TRABD2A: variants seen among roughly 807,000 people sequenced by gnomAD.
TRABD2A encodes TraB domain containing 2A.
Under a neutral mutation model 45.6 loss-of-function variants are expected in TRABD2A, and 43 were observed. The ratio of observed to expected loss-of-function variants is 0.94; its 90% CI spans 0.74 to 1.22. The LOEUF is 1.22. Among genes scored for constraint, TRABD2A ranks in the 50% most tolerant of loss-of-function variants. The probability of loss-of-function intolerance (pLI) is 0.00; values close to 1 mark genes in which losing one functional copy is unlikely to be tolerated. For synonymous variants in TRABD2A, 269 were observed against 265.0 expected, an observed-to-expected ratio of 1.02 and a Z score of -0.15; for missense variants, 642 against 652.4, an observed-to-expected ratio of 0.98 and a Z score of 0.17.
At chr2:84,862,869 C>CATTCAGGTACAACGTTGGTTTG (rs530719245) in intron 2 of TRABD2A, among the ~76,000 whole-genome samples, 2,008 of 152,220 alleles carry the variant, frequency 0.013, 39 homozygotes, top group African/African-American at 0.046. Flanking sequence ...CACAGCCAGC[C>CATTCAGGTACAACGTTGGTTTG]ATTCAGGTAC....
chr2:84,858,409 G>A (rs965959448), intron 2 of TRABD2A, among the ~76,000 whole-genome samples: 2 of 152,152 alleles, frequency 1.3e-5, no homozygotes, highest in African/African-American at 4.8e-5. Context: ...TTTCCTACCT[G>A]ACTAAATGCT....
At chr2:84,871,485 C>CT (rs556910847) in intron 1 of TRABD2A, among the ~76,000 whole-genome samples, 6,065 of 146,300 alleles carry the variant, frequency 0.041, 155 homozygotes, top group South Asian at 0.068. Flanking sequence ...AGAAATGCTA[C>CT]TTTTTTTTTT....
At chr2:84,828,728 T>C (rs1681223366) in intron 5 of TRABD2A, among the ~76,000 whole-genome samples, 1 of 152,262 alleles carries the variant, frequency 6.6e-6, no homozygotes, top group Admixed American at 6.5e-5. Flanking sequence ...GATCCCATCA[T>C]GTGCCAGATG....
At chr2:84,833,471 G>A (rs898154786) in intron 4 of TRABD2A, 40 of 152,094 alleles carry the variant, frequency 2.6e-4, no homozygotes, top group Admixed American at 2.4e-3. Flanking sequence ...TACTGCAAAG[G>A]TGATTTCCAT....
intron 5 of TRABD2A, among the ~76,000 whole-genome samples, chr2:84,827,537 T>A (rs1681185399): frequency 6.6e-6 from 1 of 152,212 alleles, no homozygotes; most frequent in African/African-American, 2.4e-5. Flanking sequence ...CTAGCAGGGC[T>A]GACCAGAACC....
In TRABD2A at chr2:84,870,668, C is replaced by G. The variant is rs1273710658; in HGVS notation, c.226G>C (p.Glu76Gln). The G allele has an allele frequency of 5.6e-6, 9 of 1,609,896 alleles. No individual in the cohort carries two copies. Among genetic ancestry groups the G allele is most frequent in the Non-Finnish European group, 7.6e-6 (9 of 1,178,094 alleles). The change falls in exon 2 of 7, where the codon GAG becomes CAG. Residue 76 changes from glutamate to glutamine, a missense_variant. Transcript: ENST00000409520. ...VWDFIPDNSK[E>Q]AFLQSSIVYF... Reference sequence around the variant, plus strand: ...ACAATGCTGCTCTGCAGGAAAGCCTCCTTAGAGTTGTCGGGGATGAAGTCC... The same window carrying G: ...ACAATGCTGCTCTGCAGGAAAGCCTGCTTAGAGTTGTCGGGGATGAAGTCC...
chr2:84,851,142 AT>A (rs1486787285), intron 2 of TRABD2A: 1 of 152,262 alleles, frequency 6.6e-6, no homozygotes, highest in Non-Finnish European at 1.5e-5. Flanking sequence ...AAAACTCTTT[AT>A]CATTGGAGGC....
intron 1 of TRABD2A, chr2:84,874,773 T>C: frequency 4.1e-6 from 1 of 244,586 alleles, no homozygotes; most frequent in South Asian, 6.2e-5. Context: ...ACTGGAGGGG[T>C]CTGAGGACTA....
At chr2:84,829,671 A>ATAC (rs1310563645) in intron 5 of TRABD2A, among the ~76,000 whole-genome samples, 1 of 150,598 alleles carries the variant, frequency 6.6e-6, no homozygotes, top group Admixed American at 6.6e-5. Flanking sequence ...TGCAGCACAC[A>ATAC]TACCCCACAC....
intron 2 of TRABD2A, among the ~76,000 whole-genome samples, chr2:84,858,875 C>T (rs78604241): frequency 0.016 from 2,431 of 152,340 alleles, 33 homozygotes; most frequent in Non-Finnish European, 0.023. Flanking sequence ...CACCTGTAAT[C>T]CCCATGCTTT....
chr2:84,870,095 G>T, intron 2 of TRABD2A, 130 bp downstream of exon 2: 1 of 968,740 alleles, frequency 1.0e-6, no homozygotes, highest in Non-Finnish European at 1.5e-6. Flanking sequence ...TTTAACCCCC[G>T]GAAAAGCATT....
intron 5 of TRABD2A, among the ~76,000 whole-genome samples, chr2:84,825,563 G>A (rs1681122345): frequency 6.6e-6 from 1 of 152,154 alleles, no homozygotes; most frequent in African/African-American, 2.4e-5. Context: ...GCAATGCCTG[G>A]TACATAACTG....
At chr2:84,860,821 T>A (rs1462239575) in intron 2 of TRABD2A, among the ~76,000 whole-genome samples, 1 of 152,012 alleles carries the variant, frequency 6.6e-6, no homozygotes, top group East Asian at 1.9e-4. Context: ...AGAGTCAGGG[T>A]TGGGGGTTGT....
chr2:84,832,075 A>C lies in TRABD2A; in HGVS notation c.1062T>G (p.Pro354=), dbSNP rs992647340. The change falls in exon 5 of 7, where the codon CCT becomes CCG. Residue 354 remains proline, a synonymous_variant. Coordinates refer to ENST00000409520, the MANE Select transcript of TRABD2A (RefSeq NM_001277053.2). ...GTTACTTGTGGATGGGTCGTCCAGC[A>C]GGGGCGTGTTCTACCTCATAGCCTT... ...RREGYEVEHA[P]AGRPIHKGKS... 1 of 1,613,330 alleles carries C rather than the reference A, an allele frequency of 6.2e-7. No homozygotes were observed. The highest frequency in any genetic ancestry group is 1.3e-5 in the African/African-American group (1 of 74,930).
intron 1 of TRABD2A, among the ~76,000 whole-genome samples, chr2:84,878,605 T>C (rs1346310012): frequency 6.6e-6 from 1 of 151,590 alleles, no homozygotes; most frequent in Non-Finnish European, 1.5e-5. Flanking sequence ...AGACTCAACC[T>C]GCGTGGTGCT....
chr2:84,833,279 G>A (rs184037525), intron 4 of TRABD2A: 16 of 152,344 alleles, frequency 1.1e-4, no homozygotes, highest in Middle Eastern at 6.8e-3. Context: ...CACTGGAGAA[G>A]TAACCCTGGC....
intron 3 of TRABD2A, 91 bp downstream of exon 3, chr2:84,841,770 C>A: frequency 7.5e-7 from 1 of 1,341,074 alleles, no homozygotes; most frequent in Admixed American, 3.3e-5. Flanking sequence ...GACCTCAATC[C>A]TTTGTACACA....
At chr2:84,877,023 T>A (rs1478782) in intron 1 of TRABD2A, among the ~76,000 whole-genome samples, 29,462 of 152,188 alleles carry the variant, frequency 0.19, 3,773 homozygotes, top group African/African-American at 0.37. Flanking sequence ...GAATCTTATC[T>A]TGTACAATTT....
chr2:84,859,954 G>A (rs1682438636), intron 2 of TRABD2A, among the ~76,000 whole-genome samples: 4 of 151,944 alleles, frequency 2.6e-5, no homozygotes, highest in Admixed American at 2.6e-4. Context: ...AGAGATGGGG[G>A]GGGGTCTCAC....
Sources: gnomAD v4.1 joint callset for allele counts (sites outside exome capture counted in the v4.1 genomes callset) on GRCh38, gnomAD v4.1.1 for gene constraint, MANE v1.5 for transcripts, NCBI Gene and HGNC (gene_info 2026-07-23, HGNC 2026-07-21) for gene names.